SUCLG2: variants seen among roughly 807,000 people sequenced by gnomAD.
The protein encoded by SUCLG2 is succinate--CoA ligase [GDP-forming] subunit beta, mitochondrial.
Under a neutral mutation model 47.9 loss-of-function variants are expected in SUCLG2, and 42 were observed. The ratio of observed to expected loss-of-function variants is 0.88; its 90% CI spans 0.69 to 1.14. The LOEUF is 1.14. Among genes scored for constraint, SUCLG2 ranks in the 50% most tolerant of loss-of-function variants. The pLI, the probability that SUCLG2 is intolerant of heterozygous loss-of-function variation, is 0.00. For synonymous variants in SUCLG2, 195 were observed against 197.3 expected, an observed-to-expected ratio of 0.99 and a Z score of 0.10; for missense variants, 571 against 525.9, an observed-to-expected ratio of 1.09 and a Z score of -0.84.
At chr3:67,395,285 G>T (rs1389309517) in intron 10 of SUCLG2, among the ~76,000 whole-genome samples, 1 of 152,084 alleles carries the variant, frequency 6.6e-6, no homozygotes, top group Non-Finnish European at 1.5e-5. Context: ...CCCATCTCAT[G>T]TGCAGAGACA....
intron 2 of SUCLG2, among the ~76,000 whole-genome samples, chr3:67,589,698 C>T (rs183410344): frequency 1.3e-5 from 2 of 152,326 alleles, no homozygotes; most frequent in Admixed American, 1.3e-4. Flanking sequence ...AATTATACTC[C>T]TATGCTCAAG....
chr3:67,593,638 C>T (rs1699444832), intron 2 of SUCLG2, among the ~76,000 whole-genome samples: 1 of 152,160 alleles, frequency 6.6e-6, no homozygotes, highest in African/African-American at 2.4e-5. Flanking sequence ...TCCTGCAGCC[C>T]CATTAATCTA....
intron 4 of SUCLG2, among the ~76,000 whole-genome samples, chr3:67,523,642 C>T (rs1296768234): frequency 2.6e-5 from 4 of 152,130 alleles, no homozygotes; most frequent in Admixed American, 1.3e-4. Flanking sequence ...AACATTAATA[C>T]AAACATTTTA....
chr3:67,404,439 GA>G (rs1220162879), intron 9 of SUCLG2, among the ~76,000 whole-genome samples: 1 of 111,892 alleles, frequency 8.9e-6, no homozygotes, highest in Non-Finnish European at 1.9e-5. Flanking sequence ...AGGAGAGTGA[GA>G]AGTCATGAGG....
intron 2 of SUCLG2, among the ~76,000 whole-genome samples, chr3:67,577,443 C>T (rs1442947944): frequency 6.6e-6 from 1 of 151,686 alleles, no homozygotes; most frequent in East Asian, 1.9e-4. Context: ...GAATCATGAG[C>T]TAGAGAGAAA....
At chr3:67,378,132 T>C (rs2106761392) in intron 10 of SUCLG2, among the ~76,000 whole-genome samples, 1 of 152,250 alleles carries the variant, frequency 6.6e-6, no homozygotes, top group East Asian at 1.9e-4. Context: ...TAGCATTATT[T>C]TGACTAACAT....
chr3:67,399,541 G>C (rs1295038645), intron 10 of SUCLG2, among the ~76,000 whole-genome samples: 1 of 152,164 alleles, frequency 6.6e-6, no homozygotes, highest in Non-Finnish European at 1.5e-5. Flanking sequence ...TCTAGACAAT[G>C]TGCACCTGCC....
At chr3:67,406,358 G>A (rs905554896) in intron 9 of SUCLG2, among the ~76,000 whole-genome samples, 2 of 152,114 alleles carry the variant, frequency 1.3e-5, no homozygotes, top group African/African-American at 2.4e-5. Context: ...AGACAAAAAG[G>A]TTCTATATAT....
At chr3:67,423,358 A>G (rs2106865128) in intron 9 of SUCLG2, among the ~76,000 whole-genome samples, 1 of 152,288 alleles carries the variant, frequency 6.6e-6, no homozygotes, top group East Asian at 1.9e-4. Flanking sequence ...ATCTTTATAA[A>G]TTACCCAGTC....
intron 9 of SUCLG2, among the ~76,000 whole-genome samples, chr3:67,447,240 T>C (rs1031677250): frequency 6.6e-6 from 1 of 152,172 alleles, no homozygotes; most frequent in African/African-American, 2.4e-5. Flanking sequence ...AGAAGTACCA[T>C]AAAATACTAT....
At chr3:67,585,060 A>G (rs548433868) in intron 2 of SUCLG2, among the ~76,000 whole-genome samples, 3 of 152,338 alleles carry the variant, frequency 2.0e-5, no homozygotes, top group Admixed American at 6.5e-5. Flanking sequence ...AAATTTTATG[A>G]TATACAATAC....
At chr3:67,507,220 G>A (rs541684407) in intron 7 of SUCLG2, among the ~76,000 whole-genome samples, 1 of 152,196 alleles carries the variant, frequency 6.6e-6, no homozygotes, top group East Asian at 1.9e-4. Flanking sequence ...AAATATTTAT[G>A]AATAAAGGTA....
chr3:67,551,459 C>T (rs192828605), intron 2 of SUCLG2, among the ~76,000 whole-genome samples: 2 of 152,314 alleles, frequency 1.3e-5, no homozygotes, highest in Admixed American at 6.5e-5. Context: ...ACCACATTTT[C>T]TGGCAGAGAA....
At chr3:67,419,144 G>A (rs1462996285) in intron 9 of SUCLG2, among the ~76,000 whole-genome samples, 1 of 152,128 alleles carries the variant, frequency 6.6e-6, no homozygotes. Context: ...AAGGATGCTG[G>A]CATTCTATTT....
intron 9 of SUCLG2, among the ~76,000 whole-genome samples, chr3:67,430,690 T>C (rs1174047635): frequency 7.2e-5 from 11 of 151,828 alleles, no homozygotes; most frequent in South Asian, 2.1e-4. Context: ...ATCAACAAAA[T>C]TGATAGACCA....
intron 9 of SUCLG2, among the ~76,000 whole-genome samples, chr3:67,410,127 T>G (rs984347885): frequency 3.3e-5 from 5 of 152,238 alleles, no homozygotes; most frequent in Admixed American, 1.3e-4. Flanking sequence ...TGCAGAGAGC[T>G]GTCAGAAAAG....
At chr3:67,398,862 T>C (rs560825954) in intron 10 of SUCLG2, among the ~76,000 whole-genome samples, 1 of 152,194 alleles carries the variant, frequency 6.6e-6, no homozygotes, top group African/African-American at 2.4e-5. Flanking sequence ...TGAGTTCATG[T>C]CCTTTGTAGG....
At chr3:67,612,143 G>C (rs141359856) in intron 1 of SUCLG2, among the ~76,000 whole-genome samples, 8 of 152,270 alleles carry the variant, frequency 5.3e-5, no homozygotes, top group African/African-American at 1.9e-4. Context: ...AGGATTGCTT[G>C]AGCCCAGTAG....
Position 67,639,235 on chromosome 3 carries a change from T to C in SUCLG2, c.84+15268A>G, listed in dbSNP as rs6776048. On this transcript the variant is annotated intron_variant, in intron 1 of 10. Coordinates refer to ENST00000307227, the MANE Select transcript of SUCLG2 (RefSeq NM_003848.4). The stretch of plus-strand genomic sequence containing the variant: ...CCCATACTTTCATGGACACTATTAC[T>C]TATGGAGGGGCTCAAATGTGGATTT... Among the ~76,000 whole-genome samples, 528 of 152,340 alleles carry C rather than the reference T, an allele frequency of 3.5e-3. 8 individuals carry two copies. Among genetic ancestry groups the C allele is most frequent in the African/African-American group, 0.012 (513 of 41,574 alleles).
Sources: allele counts gnomAD v4.1 joint callset (sites outside exome capture counted in the v4.1 genomes callset), GRCh38; gene constraint gnomAD v4.1.1; transcripts MANE v1.5; gene names NCBI Gene and HGNC (gene_info 2026-07-23, HGNC 2026-07-21).